MGMT: variants seen among roughly 807,000 people sequenced by gnomAD.
MGMT encodes the protein methylated-DNA--protein-cysteine methyltransferase.
A neutral mutation model predicts 15.9 loss-of-function variants in MGMT; 14 were observed. That is an observed-to-expected ratio of 0.88 (90% CI 0.58 to 1.37). MGMT has a LOEUF of 1.37. Ranked by LOEUF, MGMT falls within the 40% of genes most tolerant of loss-of-function variation. The pLI is 0.00. For missense variants in MGMT, 282 were observed against 268.1 expected (o/e 1.05, Z -0.36); for synonymous variants, 130 against 118.2 (o/e 1.10, Z -0.65).
chr10:129,608,273 G>C (rs1027430755), intron 2 of MGMT, among the ~76,000 whole-genome samples: 4 of 152,342 alleles, frequency 2.6e-5, no homozygotes, highest in African/African-American at 9.6e-5. Context: ...CCGGAGCAGA[G>C]TGTGGAAATA....
intron 2 of MGMT, among the ~76,000 whole-genome samples, chr10:129,628,224 C>A (rs1420374902): frequency 6.6e-6 from 1 of 152,146 alleles, no homozygotes; most frequent in Admixed American, 6.5e-5. Flanking sequence ...TCATCAAAAA[C>A]CATAACTTCA....
chr10:129,625,480 A>G (rs1282216755), intron 2 of MGMT, among the ~76,000 whole-genome samples: 1 of 152,272 alleles, frequency 6.6e-6, no homozygotes, highest in African/African-American at 2.4e-5. Context: ...ATAAAATATT[A>G]GAATGTCAAT....
intron 3 of MGMT, among the ~76,000 whole-genome samples, chr10:129,742,396 G>A (rs539351575): frequency 4.3e-4 from 65 of 152,354 alleles, no homozygotes; most frequent in African/African-American, 1.3e-3. Context: ...TGCGCGACCC[G>A]GGGCGTTCAG....
intron 2 of MGMT, among the ~76,000 whole-genome samples, chr10:129,604,178 A>C (rs1253626262): frequency 6.6e-6 from 1 of 152,144 alleles, no homozygotes; most frequent in East Asian, 1.9e-4. Flanking sequence ...TGATTTACCA[A>C]AGCACTCTCT....
intron 2 of MGMT, among the ~76,000 whole-genome samples, chr10:129,685,950 C>G (rs1847900153): frequency 6.6e-6 from 1 of 152,196 alleles, no homozygotes. Context: ...GCCAATAAAC[C>G]TTTTCTTCCC....
Position 129,676,743 on chromosome 10 carries a change from G to A in MGMT, c.126-31152G>A, listed in dbSNP as rs377629321. Reference sequence around the variant, plus strand: ...GAAATGAAATTTTCTATCTCATTGGGAATTTCTTGGTAAATATGCAAGCAG... The same window carrying A: ...GAAATGAAATTTTCTATCTCATTGGAAATTTCTTGGTAAATATGCAAGCAG... On this transcript the variant is annotated intron_variant, in intron 2 of 4. Transcript: ENST00000651593. 1.8e-4 allele frequency among the ~76,000 whole-genome samples: 27 copies of A among 152,202 alleles called. No individual in the cohort carries two copies. The South Asian group carries it at 5.6e-3, about 32-fold the overall frequency.
chr10:129,571,591 C>G (rs1018424742), intron 2 of MGMT, among the ~76,000 whole-genome samples: 2 of 152,118 alleles, frequency 1.3e-5, no homozygotes, highest in Non-Finnish European at 2.9e-5. Context: ...ACTGAAAACT[C>G]ACCCAGAGAA....
intron 2 of MGMT, among the ~76,000 whole-genome samples, chr10:129,615,971 T>C (rs1399211991): frequency 6.6e-6 from 1 of 152,020 alleles, no homozygotes; most frequent in Non-Finnish European, 1.5e-5. Flanking sequence ...TGAAGAGGAA[T>C]CTTTGGTTTG....
chr10:129,521,265 C>G (rs1168800655), intron 1 of MGMT, among the ~76,000 whole-genome samples: 1 of 152,116 alleles, frequency 6.6e-6, no homozygotes, highest in Non-Finnish European at 1.5e-5. Context: ...CCAGGCTGGA[C>G]ACGGGATTTC....
At chr10:129,736,582 G>T (rs377253750) in intron 3 of MGMT, among the ~76,000 whole-genome samples, 1 of 151,470 alleles carries the variant, frequency 6.6e-6, no homozygotes, top group Non-Finnish European at 1.5e-5. Context: ...ATATTGTTAT[G>T]TGTGAATTTG....
At chr10:129,508,800 G>A (rs1845651607) in intron 1 of MGMT, among the ~76,000 whole-genome samples, 1 of 151,980 alleles carries the variant, frequency 6.6e-6, no homozygotes, top group Non-Finnish European at 1.5e-5. Context: ...ACCCGTCTCG[G>A]CCTCCCAAAG....
chr10:129,503,684 G>C (rs535660914), intron 1 of MGMT, among the ~76,000 whole-genome samples: 4 of 152,286 alleles, frequency 2.6e-5, no homozygotes, highest in African/African-American at 7.2e-5. Flanking sequence ...CTTTTATTGT[G>C]TTATGCCTAG....
At chr10:129,619,136 A>G (rs76483252) in intron 2 of MGMT, among the ~76,000 whole-genome samples, 7,211 of 152,184 alleles carry the variant, frequency 0.047, 202 homozygotes, top group Middle Eastern at 0.088. Flanking sequence ...TTGAAGTTCT[A>G]TTCTTGTAGG....
intron 2 of MGMT, among the ~76,000 whole-genome samples, chr10:129,630,764 C>G (rs1358490699): frequency 6.6e-6 from 1 of 152,226 alleles, no homozygotes; most frequent in African/African-American, 2.4e-5. Flanking sequence ...CTGCTAAATA[C>G]CAATTACTGA....
At chr10:129,703,600 C>A (rs1263925430) in intron 2 of MGMT, among the ~76,000 whole-genome samples, 1 of 152,172 alleles carries the variant, frequency 6.6e-6, no homozygotes, top group Non-Finnish European at 1.5e-5. Flanking sequence ...AATCCCACAT[C>A]CCAGTCTTAC....
chr10:129,611,260 TCTG>T (rs1229734220), intron 2 of MGMT, among the ~76,000 whole-genome samples: 1 of 152,196 alleles, frequency 6.6e-6, no homozygotes, highest in Non-Finnish European at 1.5e-5. Context: ...TGGACAGACT[TCTG>T]CTTCTGGAGA....
intron 1 of MGMT, among the ~76,000 whole-genome samples, chr10:129,497,434 C>T (rs1444428992): frequency 6.6e-6 from 1 of 152,184 alleles, no homozygotes; most frequent in Non-Finnish European, 1.5e-5. Context: ...AGATTAGACC[C>T]TGCATGTACA....
At chr10:129,527,842 C>T (rs1845887612) in intron 1 of MGMT, among the ~76,000 whole-genome samples, 1 of 152,174 alleles carries the variant, frequency 6.6e-6, no homozygotes, top group African/African-American at 2.4e-5. Context: ...CCTCTCCCTC[C>T]TGGTGACCTG....
intron 1 of MGMT, among the ~76,000 whole-genome samples, chr10:129,526,195 G>T (rs1278424825): frequency 6.6e-6 from 1 of 152,152 alleles, no homozygotes; most frequent in Non-Finnish European, 1.5e-5. Context: ...CAGGTGATAG[G>T]GATGAAGTGT....
Sources: gnomAD v4.1 joint callset for allele counts (sites outside exome capture counted in the v4.1 genomes callset) on GRCh38, gnomAD v4.1.1 for gene constraint, MANE v1.5 for transcripts, NCBI Gene and HGNC (gene_info 2026-07-23, HGNC 2026-07-21) for gene names.